STK32A: variants seen among roughly 807,000 people sequenced by gnomAD.
STK32A encodes serine/threonine-protein kinase 32A.
A neutral mutation model predicts 53.2 loss-of-function variants in STK32A; 41 were observed. The observed-to-expected ratio is 0.77, with a 90% CI of 0.60 to 1.00. The LOEUF (loss-of-function observed/expected upper bound fraction) is 1.00, where lower values mean the gene tolerates loss of function less well. STK32A is among the 50% of genes least tolerant of loss of function. The pLI, the probability that STK32A is intolerant of heterozygous loss-of-function variation, is 0.00. For missense variants in STK32A, 458 were observed against 485.8 expected, an observed-to-expected ratio of 0.94 and a Z score of 0.54; for synonymous variants, 166 against 162.8, an observed-to-expected ratio of 1.02 and a Z score of -0.15.
chr5:147,316,967 G>A (rs1311646505), intron 4 of STK32A, among the ~76,000 whole-genome samples: 1 of 148,156 alleles, frequency 6.7e-6, no homozygotes. Flanking sequence ...CTGTATAAAA[G>A]TACTCCAGCT....
At chr5:147,294,012 T>C (rs967928729) in intron 4 of STK32A, among the ~76,000 whole-genome samples, 1 of 152,194 alleles carries the variant, frequency 6.6e-6, no homozygotes, top group African/African-American at 2.4e-5. Context: ...GATAAGATTT[T>C]CATAAATCTT....
chr5:147,350,260 AT>A (rs2151993095), intron 6 of STK32A, among the ~76,000 whole-genome samples: 1 of 149,470 alleles, frequency 6.7e-6, no homozygotes, highest in East Asian at 2.0e-4. Context: ...GTACAAAAAT[AT>A]TTTAGAAAAA....
downstream of STK32A, chr5:147,392,257 AAGCTTCCCT>A: frequency 6.6e-6 from 1 of 152,346 alleles, no homozygotes; most frequent in East Asian, 1.9e-4. Context: ...TTAAAATAGC[AAGCTTCCCT>A]ATTCTAAGGG....
At chr5:147,372,745 A>C (rs1757053785) in intron 9 of STK32A, among the ~76,000 whole-genome samples, 1 of 152,142 alleles carries the variant, frequency 6.6e-6, no homozygotes, top group African/African-American at 2.4e-5. Context: ...CTTAGTAGGA[A>C]ATGAGTTCTA....
Position 147,383,936 on chromosome 5 carries a change from C to A in STK32A, c.1144C>A (p.Gln382Lys). Reference protein sequence around the residue: ...NKRQPNLALEQTKDPQGEDGQ... With the variant: ...NKRQPNLALEKTKDPQGEDGQ... ...AAGACAACCAAATCTAGCCTTGGAACAAACCAAAGACCCACAAGGTGAGGA... is the reference window on the plus strand; with the variant it reads ...AAGACAACCAAATCTAGCCTTGGAAAAAACCAAAGACCCACAAGGTGAGGA... The change falls in exon 13 of 13, where the codon CAA (glutamine) becomes AAA (lysine). Residue 382 changes from glutamine (Q) to lysine (K), a missense_variant. Physicochemically the swap from Gln to Lys is moderately conservative, Grantham distance 53. Coordinates refer to ENST00000397936, the MANE Select transcript of STK32A (RefSeq NM_001112724.2). The A allele has an allele frequency of 6.2e-7, 1 of 1,608,514 alleles. No individual in the cohort carries two copies. Among genetic ancestry groups the A allele is most frequent in the South Asian group, 1.1e-5 (1 of 89,696 alleles).
At chr5:147,264,157 C>T (rs571595875) in intron 2 of STK32A, among the ~76,000 whole-genome samples, 26 of 152,224 alleles carry the variant, frequency 1.7e-4, no homozygotes, top group African/African-American at 5.3e-4. Flanking sequence ...ATATATCTCC[C>T]ATGCAATCCT....
At chr5:147,387,940 A>G (rs1002051797), downstream of STK32A, 1 of 152,178 alleles carries the variant, frequency 6.6e-6, no homozygotes, top group Non-Finnish European at 1.5e-5. Flanking sequence ...CGGGTGCCCA[A>G]AGTAACCCGT....
intron 4 of STK32A, among the ~76,000 whole-genome samples, chr5:147,296,136 G>A (rs1752855787): frequency 6.6e-6 from 1 of 152,218 alleles, no homozygotes; most frequent in Non-Finnish European, 1.5e-5. Flanking sequence ...GTTAGAGGCA[G>A]TGAATCTGTA....
chr5:147,399,151 A>C, the STK32A span: 2 of 1,614,082 alleles, frequency 1.2e-6, no homozygotes, highest in Non-Finnish European at 1.7e-6. Flanking sequence ...CGCTGTCAGA[A>C]CCCACAGATA....
At chr5:147,270,748 C>A (rs1216503173) in intron 2 of STK32A, among the ~76,000 whole-genome samples, 2 of 152,142 alleles carry the variant, frequency 1.3e-5, no homozygotes, top group Admixed American at 6.5e-5. Context: ...ATAATTCAAT[C>A]TTTTTCACTT....
At chr5:147,394,745 C>A in the STK32A span, among the ~76,000 whole-genome samples, 1 of 152,062 alleles carries the variant, frequency 6.6e-6, no homozygotes, top group African/African-American at 2.4e-5. Flanking sequence ...TGACCTCTGG[C>A]AAAGTTACCT....
intron 2 of STK32A, among the ~76,000 whole-genome samples, chr5:147,254,481 T>C (rs1465871427): frequency 1.3e-5 from 2 of 152,230 alleles, no homozygotes; most frequent in South Asian, 2.1e-4. Context: ...GCAAAAGGAA[T>C]AGCACTCGAA....
At chr5:147,323,549 G>C (rs770024279) in intron 4 of STK32A, among the ~76,000 whole-genome samples, 10 of 152,132 alleles carry the variant, frequency 6.6e-5, no homozygotes, top group Non-Finnish European at 1.3e-4. Context: ...ATATGGTTAG[G>C]ATACAACCAT....
At chr5:147,326,886 G>GT (rs138922580) in intron 5 of STK32A, among the ~76,000 whole-genome samples, 13,023 of 152,008 alleles carry the variant, frequency 0.086, 755 homozygotes, top group Non-Finnish European at 0.13. Flanking sequence ...GTGTTTTTTG[G>GT]TTTTTTATTT....
chr5:147,326,800 C>G (rs2151979416), intron 5 of STK32A, among the ~76,000 whole-genome samples: 1 of 152,228 alleles, frequency 6.6e-6, no homozygotes, highest in Non-Finnish European at 1.5e-5. Flanking sequence ...ATTAATAGCA[C>G]TGGGAAGAGT....
At chr5:147,301,974 C>T (rs1753161531) in intron 4 of STK32A, among the ~76,000 whole-genome samples, 1 of 152,146 alleles carries the variant, frequency 6.6e-6, no homozygotes, top group Non-Finnish European at 1.5e-5. Flanking sequence ...TCTCCTTATT[C>T]ATCTTTTAAG....
chr5:147,381,770 A>C (rs1194139769), intron 11 of STK32A, among the ~76,000 whole-genome samples: 2 of 152,002 alleles, frequency 1.3e-5, no homozygotes, highest in Non-Finnish European at 2.9e-5. Context: ...GATTTCTTTA[A>C]GTATTCTGTT....
chr5:147,379,859 T>A (rs911160354), intron 11 of STK32A, among the ~76,000 whole-genome samples: 1 of 152,168 alleles, frequency 6.6e-6, no homozygotes, highest in African/African-American at 2.4e-5. Flanking sequence ...AAGCGATCAT[T>A]TCCCTTCTAA....
intron 4 of STK32A, among the ~76,000 whole-genome samples, chr5:147,284,337 G>C (rs1752214729): frequency 6.6e-6 from 1 of 151,982 alleles, no homozygotes; most frequent in African/African-American, 2.4e-5. Flanking sequence ...CATTCCCTCT[G>C]AGAACCAGAA....
Sources: gnomAD v4.1 joint callset for allele counts (sites outside exome capture counted in the v4.1 genomes callset) on GRCh38, gnomAD v4.1.1 for gene constraint, MANE v1.5 for transcripts, NCBI Gene and HGNC (gene_info 2026-07-23, HGNC 2026-07-21) for gene names.